DNAH11: variants seen among roughly 807,000 people sequenced by gnomAD.
The protein encoded by DNAH11 is dynein axonemal heavy chain 11, also known as axonemal beta dynein heavy chain 11.
In DNAH11, 442 loss-of-function variants were observed where a neutral mutation model predicts 526.0. That is an observed-to-expected ratio of 0.84 (90% CI 0.78 to 0.91). The LOEUF is 0.91. Ranked by LOEUF, DNAH11 falls within the 40% of genes least tolerant of loss-of-function variation. DNAH11 has a pLI of 0.00. For missense variants in DNAH11, 6,989 were observed against 5,448.7 expected (o/e 1.28, Z -8.90); for synonymous variants, 2,461 against 1,935.9 (o/e 1.27, Z -7.12).
intron 45 of DNAH11, among the ~76,000 whole-genome samples, chr7:21,730,173 A>C (rs1326524843): frequency 6.6e-6 from 1 of 152,202 alleles, no homozygotes; most frequent in Non-Finnish European, 1.5e-5. Flanking sequence ...AGATATCTGC[A>C]CTCGCATGTT....
chr7:21,652,200 G>A (rs1378263313), intron 28 of DNAH11, among the ~76,000 whole-genome samples: 11 of 152,124 alleles, frequency 7.2e-5, no homozygotes, highest in Non-Finnish European at 1.5e-4. Context: ...GAACATAAAC[G>A]ACAACAGTGG....
intron 77 of DNAH11, among the ~76,000 whole-genome samples, chr7:21,894,361 AG>A (rs1385346318): frequency 6.6e-6 from 1 of 152,208 alleles, no homozygotes; most frequent in East Asian, 1.9e-4. Context: ...AAACAACTGT[AG>A]CTCCTTCTTG....
intron 20 of DNAH11, among the ~76,000 whole-genome samples, chr7:21,608,130 G>A (rs1319350082): frequency 6.6e-6 from 1 of 151,072 alleles, no homozygotes; most frequent in Non-Finnish European, 1.5e-5. Flanking sequence ...AGTCAAGGAA[G>A]CCCATAACTT....
chr7:21,658,311 T>A (rs1782103183), intron 29 of DNAH11, among the ~76,000 whole-genome samples: 2 of 152,150 alleles, frequency 1.3e-5, no homozygotes, highest in African/African-American at 4.8e-5. Flanking sequence ...AACTGTGAAC[T>A]ATGAAGATTT....
In DNAH11 at chr7:21,655,858, C is replaced by T. The variant is rs375997343; in HGVS notation, c.4971C>T (p.Phe1657=). 42 of 1,613,152 alleles carry T rather than the reference C, an allele frequency of 2.6e-5. No homozygotes were observed. Among genetic ancestry groups the T allele is most frequent in the Middle Eastern group, 1.7e-4 (1 of 6,054 alleles). The part of the protein sequence containing the change: ...KQVTCHLAKL[F]DSIADLQFED... ...TAACATGTCACCTTGCCAAACTTTT[C>T]GACAGCATTGCAGATCTGCAGTTTG... Residue 1657 remains phenylalanine (F), a synonymous_variant, in exon 29 of 82, where the codon TTC becomes TTT. Coordinates refer to ENST00000409508, the MANE Select transcript of DNAH11 (RefSeq NM_001277115.2).
At chr7:21,797,315 G>A (rs1412253531) in intron 61 of DNAH11, among the ~76,000 whole-genome samples, 1 of 148,452 alleles carries the variant, frequency 6.7e-6, no homozygotes, top group Non-Finnish European at 1.5e-5. Flanking sequence ...CACCTCCGAG[G>A]TTCAAGCAGT....
At chr7:21,751,788 A>G (rs1786422919) in intron 54 of DNAH11, among the ~76,000 whole-genome samples, 1 of 152,200 alleles carries the variant, frequency 6.6e-6, no homozygotes, top group South Asian at 2.1e-4. Flanking sequence ...AGAACTTAAG[A>G]TTCAGTTGCC....
chr7:21,567,253 G>A (rs1381514119), intron 6 of DNAH11, among the ~76,000 whole-genome samples: 2 of 152,052 alleles, frequency 1.3e-5, no homozygotes, highest in Non-Finnish European at 2.9e-5. Flanking sequence ...TTTGTACCTT[G>A]CATGATATAT....
intron 34 of DNAH11, among the ~76,000 whole-genome samples, chr7:21,689,513 C>G (rs142607484): frequency 1.3e-5 from 2 of 152,222 alleles, no homozygotes; most frequent in Non-Finnish European, 2.9e-5. Flanking sequence ...CTTGCCAGCT[C>G]TACCCTCTGG....
At chr7:21,730,109 A>G (rs1363921168) in intron 45 of DNAH11, among the ~76,000 whole-genome samples, 16 of 152,252 alleles carry the variant, frequency 1.1e-4, no homozygotes. Context: ...CATATGATCT[A>G]GCAATCCCAC....
At chr7:21,710,421 A>G (rs1784416559) in intron 40 of DNAH11, 132 bp from the exon 41 acceptor site, 1 of 662,764 alleles carries the variant, frequency 1.5e-6, no homozygotes, top group African/African-American at 1.9e-5. Context: ...TGTGTGGCTG[A>G]AAAGGTGTTA....
At chr7:21,755,018 G>A (rs1325398284) in intron 54 of DNAH11, among the ~76,000 whole-genome samples, 2 of 152,216 alleles carry the variant, frequency 1.3e-5, no homozygotes, top group East Asian at 3.9e-4. Flanking sequence ...TCCAAACCAG[G>A]CATCATGGAA....
rs1182525728 is a variant in DNAH11 at position 21,558,809 on chromosome 7, T to C, written c.503T>C (p.Val168Ala). Residue 168 changes from valine (V) to alanine (A), a missense_variant, in exon 3 of 82, where the codon GTG (valine) becomes GCG (alanine). Transcript: ENST00000409508. ...HVSAFLDEIL[V>A]PVLSNKNNHK... ...ATGTTTCTCTTTCTCTAGATTTTAG[T>C]GCCAGTTCTTTCTAATAAGAACAAC... The C allele has an allele frequency of 6.3e-7, 1 of 1,579,458 alleles. No homozygotes were observed. The highest frequency in any genetic ancestry group is 8.6e-7 in the Non-Finnish European group (1 of 1,167,176).
intron 40 of DNAH11, 68 bp downstream of exon 40, chr7:21,707,903 C>T (rs1784331484): frequency 6.8e-7 from 1 of 1,480,008 alleles, no homozygotes; most frequent in East Asian, 2.3e-5. Context: ...TCAGTACAAG[C>T]CAATTTTAGT....
Position 21,588,200 on chromosome 7 carries a change from A to G in DNAH11, c.1847A>G (p.Gln616Arg). The G allele has an allele frequency of 6.2e-7, 1 of 1,609,822 alleles. No individual in the cohort carries two copies. The highest frequency in any genetic ancestry group is 8.5e-7 in the Non-Finnish European group (1 of 1,178,602). The change falls in exon 10 of 82, where the codon CAG becomes CGG. Residue 616 changes from glutamine to arginine, a missense_variant and splice_region_variant. By Grantham distance (43) the Gln-to-Arg change is conservative. Transcript: ENST00000409508. ...CKQLYNEHMK[Q>R]IECGHVVLNK... ...CAACTGTATAATGAACACATGAAAC[A>G]GGTAAGTGGTGGATAAGGTTGGACA...
chr7:21,874,838 T>C (rs549219108), intron 74 of DNAH11, among the ~76,000 whole-genome samples: 2 of 152,282 alleles, frequency 1.3e-5, no homozygotes, highest in East Asian at 1.9e-4. Flanking sequence ...CTCTAATTTT[T>C]TGGAAATCCT....
intron 52 of DNAH11, 29 bp from the exon 53 acceptor site, chr7:21,749,649 A>G (rs751329821): frequency 1.2e-6 from 2 of 1,612,212 alleles, no homozygotes; most frequent in Admixed American, 3.3e-5. Flanking sequence ...GCATTTTAAC[A>G]AAACATGAGT....
chr7:21,864,453 G>A (rs779263047), intron 69 of DNAH11, 82 bp from the exon 70 acceptor site: 609 of 1,428,494 alleles, frequency 4.3e-4, no homozygotes, highest in South Asian at 5.7e-4. Flanking sequence ...ACTCAGTCAT[G>A]TCTGTTAAAT....
intron 7 of DNAH11, 137 bp from the exon 8 acceptor site, chr7:21,571,669 A>G (rs1322363218): frequency 3.1e-6 from 2 of 637,844 alleles, no homozygotes; most frequent in Non-Finnish European, 4.8e-6. Context: ...TATTTCTGTC[A>G]TGAAAATATT....
Sources: gnomAD v4.1 joint callset for allele counts (sites outside exome capture counted in the v4.1 genomes callset) on GRCh38, gnomAD v4.1.1 for gene constraint, MANE v1.5 for transcripts, NCBI Gene and HGNC (gene_info 2026-07-23, HGNC 2026-07-21) for gene names.